Variants in INSC observed in about 807,000 individuals in gnomAD.
INSC encodes INSC spindle orientation adaptor protein.
In INSC, 67 loss-of-function variants were observed where a neutral mutation model predicts 58.6. The observed-to-expected ratio is 1.14, with a 90% CI of 0.94 to 1.40. INSC has a LOEUF of 1.40. Among genes scored for constraint, INSC ranks in the 40% most tolerant of loss-of-function variants. INSC has a pLI of 0.00. For synonymous variants in INSC, 262 were observed against 276.1 expected (o/e 0.95, Z 0.51); for missense variants, 714 against 692.0 (o/e 1.03, Z -0.36).
chr11:15,266,033 T>C, the INSC span, among the ~76,000 whole-genome samples: 1 of 151,952 alleles, frequency 6.6e-6, no homozygotes, highest in Non-Finnish European at 1.5e-5. Flanking sequence ...TGAGACCACA[T>C]GCATATTTGC....
In INSC at chr11:15,146,549, A is replaced by G. The variant is rs369551110; in HGVS notation, c.-45-2581A>G. Among the ~76,000 whole-genome samples, 251 of 152,302 alleles carry G rather than the reference A, an allele frequency of 1.6e-3. 2 individuals carry two copies. The South Asian group carries it at 0.028, about 17-fold the overall frequency. On this transcript the variant is annotated intron_variant, in intron 1 of 12. Coordinates refer to ENST00000379556, the MANE Select transcript of INSC (RefSeq NM_001042536.3). ...CATAACTGCTGGGAAGCTATGGGTC[A>G]AAAAGATGAATGATGGCACCTCACT...
chr11:15,159,991 A>G (rs1379919641), intron 2 of INSC, among the ~76,000 whole-genome samples: 2 of 152,234 alleles, frequency 1.3e-5, no homozygotes, highest in Admixed American at 6.5e-5. Flanking sequence ...ATACATATAC[A>G]CCAGCTGCAT....
intron 9 of INSC, among the ~76,000 whole-genome samples, chr11:15,233,377 C>T (rs1367494629): frequency 3.3e-5 from 5 of 152,190 alleles, no homozygotes; most frequent in African/African-American, 1.2e-4. Context: ...CCTAAAATCC[C>T]ACCCATGGAC....
intron 2 of INSC, among the ~76,000 whole-genome samples, chr11:15,156,767 C>T (rs1848828961): frequency 6.6e-6 from 1 of 152,198 alleles, no homozygotes; most frequent in Non-Finnish European, 1.5e-5. Context: ...ATCGAAGATG[C>T]ACTATAGGTG....
intron 1 of INSC, among the ~76,000 whole-genome samples, chr11:15,134,656 T>G (rs1848200780): frequency 6.6e-6 from 1 of 152,172 alleles, no homozygotes; most frequent in African/African-American, 2.4e-5. Context: ...CATAGGTGCC[T>G]TATATAGAGC....
At chr11:15,195,629 G>A (rs1850343999) in intron 6 of INSC, among the ~76,000 whole-genome samples, 1 of 152,212 alleles carries the variant, frequency 6.6e-6, no homozygotes, top group Non-Finnish European at 1.5e-5. Flanking sequence ...TGTAAGCCAA[G>A]ATGATGTTTG....
chr11:15,226,033 A>G (rs983394837), intron 9 of INSC, among the ~76,000 whole-genome samples: 47 of 152,078 alleles, frequency 3.1e-4, no homozygotes, highest in African/African-American at 1.1e-3. Context: ...CCATCCCATT[A>G]TGAGCTTTAC....
intron 6 of INSC, among the ~76,000 whole-genome samples, chr11:15,194,790 T>C (rs960271182): frequency 1.3e-5 from 2 of 152,164 alleles, no homozygotes; most frequent in African/African-American, 4.8e-5. Flanking sequence ...CTCTTTAAGT[T>C]TAATTCAGAG....
At chr11:15,210,409 G>GCTACAGACATGCCTGTTC (rs1850974321) in intron 7 of INSC, among the ~76,000 whole-genome samples, 2 of 152,070 alleles carry the variant, frequency 1.3e-5, no homozygotes, top group African/African-American at 2.4e-5. Context: ...TGTTCTGTGG[G>GCTACAGACATGCCTGTTC]TTTGGGTTGT....
chr11:15,160,113 C>G (rs1218334962), intron 2 of INSC, among the ~76,000 whole-genome samples: 1 of 152,054 alleles, frequency 6.6e-6, no homozygotes, highest in African/African-American at 2.4e-5. Flanking sequence ...GGGGGTAAGG[C>G]AGACATTTAA....
At chr11:15,137,199 A>C (rs1476256090) in intron 1 of INSC, among the ~76,000 whole-genome samples, 1 of 152,210 alleles carries the variant, frequency 6.6e-6, no homozygotes, top group Non-Finnish European at 1.5e-5. Context: ...AACATGCTAT[A>C]AACAGATGTG....
At chr11:15,142,670 T>A (rs950211430) in intron 1 of INSC, among the ~76,000 whole-genome samples, 1 of 152,122 alleles carries the variant, frequency 6.6e-6, no homozygotes, top group South Asian at 2.1e-4. Flanking sequence ...GAGAACTTGA[T>A]GAACACAGAG....
At chr11:15,193,143 G>A (rs1850242976) in intron 6 of INSC, among the ~76,000 whole-genome samples, 1 of 152,176 alleles carries the variant, frequency 6.6e-6, no homozygotes, top group Non-Finnish European at 1.5e-5. Context: ...AGTAGGTCTA[G>A]GATTTGTGAG....
At chr11:15,112,260 A>G (rs1006025223), upstream of INSC, among the ~76,000 whole-genome samples, 1 of 152,208 alleles carries the variant, frequency 6.6e-6, no homozygotes, top group Non-Finnish European at 1.5e-5. Context: ...TTGAGAAGTC[A>G]GGCAGACAGA....
chr11:15,191,812 A>G (rs1444892242), intron 6 of INSC, among the ~76,000 whole-genome samples: 1 of 152,154 alleles, frequency 6.6e-6, no homozygotes, highest in Non-Finnish European at 1.5e-5. Context: ...TCCGCTTAGA[A>G]TCTTGTGAAC....
the INSC span, among the ~76,000 whole-genome samples, chr11:15,268,204 T>C: frequency 4.7e-4 from 71 of 152,162 alleles, no homozygotes; most frequent in African/African-American, 1.4e-3. Context: ...TGTATATTTT[T>C]CCAAGATTTC....
chr11:15,154,343 CT>C (rs779410149), intron 2 of INSC, among the ~76,000 whole-genome samples: 30 of 152,270 alleles, frequency 2.0e-4, no homozygotes, highest in Non-Finnish European at 3.8e-4. Context: ...CTAAGACACT[CT>C]TCTGTCTCCA....
At position 15,246,015 on chromosome 11, in the gene INSC, GCAA is replaced by G; in HGVS notation, c.1577_1579del (p.Asn526del). 1 of 1,614,184 alleles carries G rather than the reference GCAA, an allele frequency of 6.2e-7. No individual in the cohort carries two copies. Among genetic ancestry groups the G allele is most frequent in the Non-Finnish European group, 8.5e-7 (1 of 1,180,010 alleles). On this transcript the variant is annotated inframe_deletion, in exon 13 of 13. Transcript: ENST00000379556. ...CTGGTGGACTCCTTCTTACTCTGCAGCAACATGGAGGAGAGTTTTGTGTAGTGA... is the reference window on the plus strand; with the variant it reads ...CTGGTGGACTCCTTCTTACTCTGCAGCATGGAGGAGAGTTTTGTGTAGTGA...
chr11:15,215,515 C>T (rs575462419), intron 7 of INSC, among the ~76,000 whole-genome samples: 2 of 152,318 alleles, frequency 1.3e-5, no homozygotes, highest in Admixed American at 1.3e-4. Context: ...CATGGGACAA[C>T]AAGTGAGGAG....
Sources: gnomAD v4.1 joint callset for allele counts (sites outside exome capture counted in the v4.1 genomes callset) on GRCh38, gnomAD v4.1.1 for gene constraint, MANE v1.5 for transcripts, NCBI Gene and HGNC (gene_info 2026-07-23, HGNC 2026-07-21) for gene names.